The following CDC14B variants were observed in gnomAD, a reference collection of about 807,000 sequenced individuals.
The protein encoded by CDC14B is cell division cycle 14B.
In CDC14B, 22 loss-of-function variants were observed where a neutral mutation model predicts 64.2. The ratio of observed to expected loss-of-function variants is 0.34; its 90% CI spans 0.24 to 0.49. The LOEUF is 0.49. Among genes scored for constraint, CDC14B ranks in the 20% least tolerant of loss-of-function variants. The pLI is 0.99. For missense variants in CDC14B, 498 were observed against 629.9 expected, an observed-to-expected ratio of 0.79 and a Z score of 2.24; for synonymous variants, 191 against 215.8, an observed-to-expected ratio of 0.89 and a Z score of 1.01.
chr9:96,619,589 C>T lies in CDC14B; in HGVS notation c.-211G>A, dbSNP rs1314981382. ...CCACAGCGCCTGCCCCGCTGCCTCC[C>T]GCGGCCGCCGCAGGACCGGCGCCGC... On this transcript the variant is annotated 5_prime_UTR_variant, in exon 1 of 14. Transcript: ENST00000375241. 1 of 148,444 alleles carries T rather than the reference C, an allele frequency of 6.7e-6. No homozygotes were observed. Among genetic ancestry groups the T allele is most frequent in the East Asian group, 2.0e-4 (1 of 5,056 alleles). 9.2% of individuals were successfully genotyped at this position (148,444 alleles called of 1,614,324 possible). A position where few individuals can be genotyped will look rare whatever the true frequency, so the allele number is the denominator to read the frequency against.
chr9:96,598,847 A>G (rs994154256), intron 1 of CDC14B, among the ~76,000 whole-genome samples: 39 of 152,194 alleles, frequency 2.6e-4, no homozygotes, highest in African/African-American at 9.2e-4. Context: ...ACAGAAAACA[A>G]TCCACATGAG....
intron 1 of CDC14B, among the ~76,000 whole-genome samples, chr9:96,598,006 A>G (rs1389701206): frequency 6.6e-6 from 1 of 152,240 alleles, no homozygotes; most frequent in Non-Finnish European, 1.5e-5. Flanking sequence ...AATAGAAAAG[A>G]TTAACAGAGT....
intron 9 of CDC14B, among the ~76,000 whole-genome samples, chr9:96,532,141 G>A (rs188813130): frequency 5.9e-5 from 9 of 152,210 alleles, no homozygotes; most frequent in South Asian, 2.1e-4. Flanking sequence ...AAATTATCTC[G>A]TTACGATAAT....
At chr9:96,527,166 G>A (rs1189503741) in intron 9 of CDC14B, among the ~76,000 whole-genome samples, 1 of 152,302 alleles carries the variant, frequency 6.6e-6, no homozygotes, top group East Asian at 1.9e-4. Flanking sequence ...AGCACTTTGG[G>A]AGGCCGAGGC....
At chr9:96,536,419 T>A (rs1246223789) in intron 7 of CDC14B, among the ~76,000 whole-genome samples, 1 of 152,238 alleles carries the variant, frequency 6.6e-6, no homozygotes, top group Non-Finnish European at 1.5e-5. Flanking sequence ...TTGTTTCAAA[T>A]GTTTAATGTT....
At chr9:96,566,752 C>T (rs748469607) in intron 1 of CDC14B, 4 of 1,600,448 alleles carry the variant, frequency 2.5e-6, no homozygotes, top group African/African-American at 1.3e-5. Flanking sequence ...GGGAAGCCCC[C>T]GCCCTCCCGG....
intron 6 of CDC14B, among the ~76,000 whole-genome samples, chr9:96,539,491 A>C (rs1466941753): frequency 1.3e-5 from 2 of 152,154 alleles, no homozygotes; most frequent in African/African-American, 4.8e-5. Flanking sequence ...CCCTGGCTGA[A>C]AATTCAGAAG....
intron 12 of CDC14B, among the ~76,000 whole-genome samples, chr9:96,520,607 CCCCT>C (rs1480205264): frequency 6.6e-6 from 1 of 152,170 alleles, no homozygotes; most frequent in Admixed American, 6.5e-5. Context: ...GGATTTGTAT[CCCCT>C]GACTCTCAAC....
intron 7 of CDC14B, among the ~76,000 whole-genome samples, chr9:96,537,060 C>T (rs541515253): frequency 1.3e-5 from 2 of 152,180 alleles, no homozygotes; most frequent in Non-Finnish European, 2.9e-5. Context: ...GAGACTGAGG[C>T]AGGTAGATCC....
At chr9:96,519,091 G>A (rs551880189) in intron 12 of CDC14B, among the ~76,000 whole-genome samples, 31 of 151,890 alleles carry the variant, frequency 2.0e-4, no homozygotes, top group Admixed American at 3.3e-4. Flanking sequence ...AGCCGAGATC[G>A]CACCACTTTA....
At chr9:96,517,771 T>C (rs1455846465) in intron 12 of CDC14B, among the ~76,000 whole-genome samples, 1 of 150,634 alleles carries the variant, frequency 6.6e-6, no homozygotes, top group Non-Finnish European at 1.5e-5. Flanking sequence ...GCACAAGCAA[T>C]CCTCCCACAT....
intron 13 of CDC14B, among the ~76,000 whole-genome samples, chr9:96,507,672 C>G (rs1834350051): frequency 6.6e-6 from 1 of 152,062 alleles, no homozygotes; most frequent in Non-Finnish European, 1.5e-5. Flanking sequence ...CCTCGGCCTC[C>G]CAAAGTCCTG....
chr9:96,563,462 C>T (rs1452250132), intron 3 of CDC14B, among the ~76,000 whole-genome samples: 2 of 151,948 alleles, frequency 1.3e-5, no homozygotes, highest in South Asian at 2.1e-4. Flanking sequence ...ACCAGCCTGA[C>T]CAACATGGAG....
intron 1 of CDC14B, among the ~76,000 whole-genome samples, chr9:96,596,380 A>AC (rs1283609148): frequency 2.2e-5 from 3 of 136,672 alleles, no homozygotes; most frequent in East Asian, 2.0e-4. Context: ...AAAAAAAAAA[A>AC]CACACAAAAA....
At chr9:96,567,129 G>A (rs944762869) in intron 1 of CDC14B, 5 of 539,678 alleles carry the variant, frequency 9.3e-6, no homozygotes, top group African/African-American at 2.0e-5. Context: ...GGGGCGGCCT[G>A]TGCCAACCAG....
At chr9:96,566,581 CG>C (rs1415038510) in intron 1 of CDC14B, among the ~76,000 whole-genome samples, 1 of 152,188 alleles carries the variant, frequency 6.6e-6, no homozygotes, top group African/African-American at 2.4e-5. Context: ...GGTGCAGGCA[CG>C]CAAGGGTCAC....
At chr9:96,605,350 A>G (rs1846819035) in intron 1 of CDC14B, among the ~76,000 whole-genome samples, 1 of 152,102 alleles carries the variant, frequency 6.6e-6, no homozygotes, top group Admixed American at 6.6e-5. Context: ...GGACTTGAAA[A>G]TGATCATTCC....
At position 96,515,887 on chromosome 9, in the gene CDC14B, A is replaced by C; in HGVS notation, c.1344-6098T>G. 8.1e-7 allele frequency: 1 copy of C among 1,233,128 alleles called. No individual in the cohort carries two copies. Among genetic ancestry groups the C allele is most frequent in the South Asian group, 1.7e-5 (1 of 58,942 alleles). 76.4% of individuals were successfully genotyped at this position (1,233,128 alleles called of 1,614,324 possible). The stretch of plus-strand genomic sequence containing the variant: ...ATCAATCAAGCCATATGTGAATTTT[A>C]GACACCCTAAAAGCCCAGCCAACAG... On this transcript the variant is annotated intron_variant, in intron 12 of 13. Coordinates refer to ENST00000375241, the MANE Select transcript of CDC14B (RefSeq NM_033331.4). The surrounding 1 kb of genome is among the most constrained non-coding windows in gnomAD (Gnocchi z 4.3).
chr9:96,494,299 C>G (rs1833162016), intron 13 of CDC14B, among the ~76,000 whole-genome samples: 1 of 152,254 alleles, frequency 6.6e-6, no homozygotes, highest in Admixed American at 6.5e-5. Context: ...GCCTGTACCT[C>G]AGGCAGGGGA....
Sources: allele counts gnomAD v4.1 joint callset (sites outside exome capture counted in the v4.1 genomes callset), GRCh38; gene constraint gnomAD v4.1.1; non-coding constraint Gnocchi (gnomAD v3.1); transcripts MANE v1.5; gene names NCBI Gene and HGNC (gene_info 2026-07-23, HGNC 2026-07-21).